RERE: variants seen among roughly 807,000 people sequenced by gnomAD.
RERE encodes the protein arginine-glutamic acid dipeptide repeats protein.
In RERE, 40 loss-of-function variants were observed where a neutral mutation model predicts 146.1. The ratio of observed to expected loss-of-function variants is 0.27; its 90% CI spans 0.21 to 0.36. The LOEUF is 0.36. RERE is among the 10% of genes least tolerant of loss of function. The pLI is 1.00. For synonymous variants in RERE, 1,003 were observed against 866.0 expected, an observed-to-expected ratio of 1.16 and a Z score of -2.78; for missense variants, 1,933 against 2,138.7, an observed-to-expected ratio of 0.90 and a Z score of 1.90.
intron 1 of RERE, among the ~76,000 whole-genome samples, chr1:8,774,424 G>A (rs368924332): frequency 1.4e-5 from 2 of 144,276 alleles, no homozygotes; most frequent in East Asian, 4.0e-4. Flanking sequence ...CGCGATCTCG[G>A]CTCACCCCAA....
At chr1:8,560,510 C>CT (rs1177422521) in intron 4 of RERE, among the ~76,000 whole-genome samples, 1 of 152,148 alleles carries the variant, frequency 6.6e-6, no homozygotes, top group African/African-American at 2.4e-5. Flanking sequence ...ATGGGAAGGC[C>CT]TGTGGCCCCC....
intron 11 of RERE, among the ~76,000 whole-genome samples, chr1:8,444,546 A>G (rs1282990381): frequency 6.6e-6 from 1 of 152,218 alleles, no homozygotes; most frequent in Non-Finnish European, 1.5e-5. Context: ...GCGGGAAGCC[A>G]GGAATGGAAT....
rs1265656045 is a variant in RERE at position 8,361,398 on chromosome 1, G to C, written c.2109C>G (p.Asp703Glu). 1 of 1,613,902 alleles carries C rather than the reference G, an allele frequency of 6.2e-7. No homozygotes were observed. The highest frequency in any genetic ancestry group is 2.2e-5 in the East Asian group (1 of 44,878). ...ACGTGCTGCGATTGTCCTGGTCGAT[G>C]TCTTTGGGGTCACTGCTACCCTCAT... Reference protein sequence around the residue: ...VNDEGSSDPKDIDQDNRSTSP... With the variant: ...VNDEGSSDPKEIDQDNRSTSP... The change falls in exon 18 of 23, where the codon GAC becomes GAG. Residue 703 changes from aspartate to glutamate, a missense_variant. Asp to Glu is a conservative substitution (Grantham distance 45). Transcript: ENST00000400908.
chr1:8,647,102 G>A (rs564744210), intron 2 of RERE, among the ~76,000 whole-genome samples: 30 of 152,128 alleles, frequency 2.0e-4, no homozygotes, highest in Admixed American at 1.8e-3. Flanking sequence ...GAGGTAACAC[G>A]ACCCTGCCAA....
intron 1 of RERE, among the ~76,000 whole-genome samples, chr1:8,669,591 G>A (rs1638667493): frequency 6.6e-6 from 1 of 152,150 alleles, no homozygotes; most frequent in African/African-American, 2.4e-5. Context: ...CTCTGCAACT[G>A]AGAAAAACCA....
intron 7 of RERE, among the ~76,000 whole-genome samples, chr1:8,523,563 C>T (rs908294535): frequency 9.2e-5 from 14 of 152,172 alleles, no homozygotes; most frequent in African/African-American, 3.4e-4. Flanking sequence ...GTTCCCTCAC[C>T]TCCTCCACCA....
intron 4 of RERE, among the ~76,000 whole-genome samples, chr1:8,586,178 C>T (rs544645970): frequency 9.9e-5 from 15 of 152,262 alleles, no homozygotes; most frequent in Admixed American, 5.2e-4. Flanking sequence ...AGTAAAGCAA[C>T]GCAGCGAGAG....
intron 4 of RERE, among the ~76,000 whole-genome samples, chr1:8,609,341 G>A (rs538022904): frequency 1.3e-5 from 2 of 152,300 alleles, no homozygotes; most frequent in African/African-American, 4.8e-5. Flanking sequence ...GTAGCAGTCA[G>A]CCTTGGCATT....
At chr1:8,726,667 CAGG>C (rs956614242) in intron 1 of RERE, among the ~76,000 whole-genome samples, 4 of 152,144 alleles carry the variant, frequency 2.6e-5, no homozygotes, top group East Asian at 3.8e-4. Context: ...TTTCCATTGC[CAGG>C]AGAAGCATGA....
chr1:8,566,630 A>T (rs1302655215), intron 4 of RERE, among the ~76,000 whole-genome samples: 1 of 151,984 alleles, frequency 6.6e-6, no homozygotes, highest in African/African-American at 2.4e-5. Flanking sequence ...AAAACAAAAA[A>T]CAAACAAAAA....
At position 8,714,426 on chromosome 1, in the gene RERE, G is replaced by T. The variant is rs541063199; in HGVS notation, c.-144-57985C>A. Among the ~76,000 whole-genome samples the T allele has an allele frequency of 2.0e-5, 3 of 152,266 alleles. No individual in the cohort carries two copies. In the South Asian group the frequency reaches 6.2e-4, roughly 32 times the overall value. ...AATAGAGTAACGCCTTCAAATTTTT[G>T]AGGAAAATAGTCTCCAACCTACAGT... On this transcript the variant is annotated intron_variant, in intron 1 of 22. Coordinates refer to ENST00000400908, the MANE Select transcript of RERE (RefSeq NM_001042681.2).
Position 8,614,676 on chromosome 1 carries a change from G to A in RERE, c.407C>T (p.Ser136Phe). 6.2e-7 allele frequency: 1 copy of A among 1,609,702 alleles called. No individual in the cohort carries two copies. Among genetic ancestry groups the A allele is most frequent in the Non-Finnish European group, 8.5e-7 (1 of 1,178,056 alleles). ...SIQDFKLVHN[S>F]QACCRSPTPA... The stretch of plus-strand genomic sequence containing the variant: ...AGTTGGAGATCTGCAACAGGCCTGG[G>A]AGTTGTGGACCTAAAAAAGAAAACA... Residue 136 changes from serine (S) to phenylalanine (F), a missense_variant, in exon 4 of 23, where the codon TCC becomes TTC. Ser to Phe is a radical substitution (Grantham distance 155). This residue lies in a region of RERE where 74 missense variants were observed against 99.6 expected (regional missense o/e 0.74). Coordinates refer to ENST00000400908, the MANE Select transcript of RERE (RefSeq NM_001042681.2).
At chr1:8,496,540 C>T (rs1373516543) in intron 9 of RERE, among the ~76,000 whole-genome samples, 2 of 151,990 alleles carry the variant, frequency 1.3e-5, no homozygotes, top group East Asian at 3.9e-4. Context: ...AACCCACAAA[C>T]CCATCCAGGG....
chr1:8,496,500 CA>C (rs148050643), intron 9 of RERE, among the ~76,000 whole-genome samples: 7 of 144,812 alleles, frequency 4.8e-5, no homozygotes, highest in Admixed American at 6.9e-5. Context: ...AAGTAACAAC[CA>C]AAAAAAAAAG....
chr1:8,573,434 G>T (rs1466537735), intron 4 of RERE, among the ~76,000 whole-genome samples: 1 of 152,014 alleles, frequency 6.6e-6, no homozygotes, highest in East Asian at 1.9e-4. Flanking sequence ...AATATGCTTT[G>T]TTCTTTCAGC....
chr1:8,505,374 T>G (rs1645236304), intron 8 of RERE, among the ~76,000 whole-genome samples: 1 of 152,122 alleles, frequency 6.6e-6, no homozygotes, highest in Non-Finnish European at 1.5e-5. Flanking sequence ...AAATGATGTA[T>G]TTGTGAGGCG....
chr1:8,569,598 A>G (rs934765192), intron 4 of RERE, among the ~76,000 whole-genome samples: 3 of 152,242 alleles, frequency 2.0e-5, no homozygotes, highest in African/African-American at 7.2e-5. Flanking sequence ...TACCATGATA[A>G]TATTTCCTTG....
chr1:8,632,201 A>G (rs947566726), intron 2 of RERE, among the ~76,000 whole-genome samples: 1 of 152,242 alleles, frequency 6.6e-6, no homozygotes, highest in Non-Finnish European at 1.5e-5. Context: ...CCCAGTATTT[A>G]TAGGAAAACA....
rs559206544 is a variant in RERE, at chr1:8,408,104, T to A, written c.1284+14623A>T. ...ACAGAGGGAGAACATAGCTTCCCCTTGTCTCTCTCTGCCACAAAAGCCTGG... is the reference window on the plus strand; with the variant it reads ...ACAGAGGGAGAACATAGCTTCCCCTAGTCTCTCTCTGCCACAAAAGCCTGG... On this transcript the variant is annotated intron_variant, in intron 12 of 22. Transcript: ENST00000400908. Among the ~76,000 whole-genome samples the A allele has an allele frequency of 3.9e-5, 6 of 152,220 alleles. No homozygotes were observed. The South Asian group carries it at 1.0e-3, about 26-fold the overall frequency.
Sources: gnomAD v4.1 joint callset for allele counts (sites outside exome capture counted in the v4.1 genomes callset) on GRCh38, gnomAD v4.1.1 for gene constraint, gnomAD v4.1.1 regional missense constraint, MANE v1.5 for transcripts, NCBI Gene and HGNC (gene_info 2026-07-23, HGNC 2026-07-21) for gene names.